CSMD1: variants seen among roughly 807,000 people sequenced by gnomAD.
CSMD1 encodes CUB and Sushi multiple domains 1, also known as CUB and sushi domain-containing protein 1.
In CSMD1, 213 loss-of-function variants were observed where a neutral mutation model predicts 417.5. The observed-to-expected ratio is 0.51, with a 90% CI of 0.46 to 0.57. The LOEUF (loss-of-function observed/expected upper bound fraction) is 0.57. CSMD1 is among the 20% of genes least tolerant of loss of function. The pLI is 0.00. For synonymous variants in CSMD1, 2,862 were observed against 1,736.8 expected, an observed-to-expected ratio of 1.65 and a Z score of -16.11; for missense variants, 6,923 against 4,529.7, an observed-to-expected ratio of 1.53 and a Z score of -15.17.
At chr8:3,434,575 GATT>G (rs1266998638) in intron 12 of CSMD1, among the ~76,000 whole-genome samples, 1 of 152,126 alleles carries the variant, frequency 6.6e-6, no homozygotes, top group Non-Finnish European at 1.5e-5. Flanking sequence ...ACATAATTTA[GATT>G]ATATTACTTC....
intron 3 of CSMD1, among the ~76,000 whole-genome samples, chr8:4,254,676 C>A (rs147901265): frequency 2.6e-5 from 4 of 152,094 alleles, no homozygotes; most frequent in Non-Finnish European, 4.4e-5. Context: ...ACCATTCTTA[C>A]GTTTCACTCC....
At chr8:3,062,024 T>C (rs1393384806) in intron 49 of CSMD1, among the ~76,000 whole-genome samples, 2 of 152,172 alleles carry the variant, frequency 1.3e-5, no homozygotes, top group African/African-American at 4.8e-5. Context: ...TATGTATATT[T>C]ACTGTTATTT....
At chr8:4,226,118 A>T (rs944038033) in intron 3 of CSMD1, among the ~76,000 whole-genome samples, 3 of 151,810 alleles carry the variant, frequency 2.0e-5, no homozygotes, top group South Asian at 4.2e-4. Flanking sequence ...GCCAACACAC[A>T]TACACACTTG....
chr8:3,585,959 T>G (rs926008195), intron 9 of CSMD1, among the ~76,000 whole-genome samples, 177 bp downstream of exon 9: 9 of 152,178 alleles, frequency 5.9e-5, no homozygotes, highest in Admixed American at 2.6e-4. Context: ...AATGTTAGCC[T>G]CTCAGCAAAT....
intron 4 of CSMD1, among the ~76,000 whole-genome samples, chr8:4,031,287 G>A (rs1302724838): frequency 6.6e-6 from 1 of 152,186 alleles, no homozygotes; most frequent in Non-Finnish European, 1.5e-5. Flanking sequence ...AAAGAAAGAA[G>A]TTTAATAGAC....
At chr8:4,370,852 T>C (rs1362015143) in intron 3 of CSMD1, among the ~76,000 whole-genome samples, 1 of 152,162 alleles carries the variant, frequency 6.6e-6, no homozygotes, top group Non-Finnish European at 1.5e-5. Context: ...TTCCTTGGAT[T>C]CTGTTTCAAC....
chr8:3,706,862 C>A (rs11997333), intron 7 of CSMD1, among the ~76,000 whole-genome samples: 3 of 151,894 alleles, frequency 2.0e-5, no homozygotes, highest in African/African-American at 4.8e-5. Context: ...TTTAAAAAAC[C>A]CTTTATTCCT....
intron 1 of CSMD1, among the ~76,000 whole-genome samples, chr8:4,830,772 G>A (rs912397920): frequency 3.3e-5 from 5 of 152,168 alleles, no homozygotes; most frequent in Non-Finnish European, 7.3e-5. Flanking sequence ...ATAAGCATAG[G>A]TCATTCCAGA....
chr8:4,255,464 T>C (rs887315108), intron 3 of CSMD1, among the ~76,000 whole-genome samples: 1 of 152,242 alleles, frequency 6.6e-6, no homozygotes, highest in Non-Finnish European at 1.5e-5. Context: ...AAAATGATTC[T>C]ATAAAGACTT....
intron 12 of CSMD1, among the ~76,000 whole-genome samples, chr8:3,437,945 T>G (rs1262062363): frequency 6.6e-6 from 1 of 152,088 alleles, no homozygotes; most frequent in African/African-American, 2.4e-5. Flanking sequence ...TTCATCATGT[T>G]GGCCAGGCTC....
At chr8:3,260,511 A>G (rs1163569828) in intron 26 of CSMD1, among the ~76,000 whole-genome samples, 1 of 152,154 alleles carries the variant, frequency 6.6e-6, no homozygotes, top group Non-Finnish European at 1.5e-5. Context: ...AATTAAGGAT[A>G]AACATTCCTC....
At chr8:3,594,682 T>A (rs1801010573) in intron 8 of CSMD1, among the ~76,000 whole-genome samples, 1 of 152,176 alleles carries the variant, frequency 6.6e-6, no homozygotes. Flanking sequence ...CTGAGGCATA[T>A]AACTTAGTTC....
chr8:4,720,730 T>A (rs1808997071), intron 1 of CSMD1, among the ~76,000 whole-genome samples: 1 of 152,182 alleles, frequency 6.6e-6, no homozygotes, highest in Non-Finnish European at 1.5e-5. Flanking sequence ...CTAAATAATT[T>A]TCTTATTTGG....
chr8:3,744,358 A>C (rs1265514306), intron 6 of CSMD1, among the ~76,000 whole-genome samples: 1 of 152,172 alleles, frequency 6.6e-6, no homozygotes, highest in African/African-American at 2.4e-5. Flanking sequence ...CTGATTACTA[A>C]ACAGGGCACA....
chr8:2,965,119 C>G (rs79820837), intron 59 of CSMD1, among the ~76,000 whole-genome samples: 1 of 152,162 alleles, frequency 6.6e-6, no homozygotes, highest in African/African-American at 2.4e-5. Context: ...ACTGTCACCA[C>G]GCAAATCCCT....
At chr8:3,286,741 A>G (rs1230155524) in intron 25 of CSMD1, among the ~76,000 whole-genome samples, 3 of 152,084 alleles carry the variant, frequency 2.0e-5, no homozygotes, top group African/African-American at 7.2e-5. Flanking sequence ...TCAGATGAGT[A>G]GATTGCAAAA....
At chr8:4,694,774 G>A (rs1807007790) in intron 1 of CSMD1, among the ~76,000 whole-genome samples, 1 of 152,134 alleles carries the variant, frequency 6.6e-6, no homozygotes, top group Admixed American at 6.5e-5. Flanking sequence ...CTGAGGCTGT[G>A]TCACGGGACT....
At chr8:3,455,402 C>T (rs543189314) in intron 12 of CSMD1, among the ~76,000 whole-genome samples, 15 of 152,308 alleles carry the variant, frequency 9.8e-5, no homozygotes, top group Non-Finnish European at 2.2e-4. Context: ...TTTTTAGAGT[C>T]TCCAGTTTTT....
chr8:4,403,964 C>G (rs944495302), intron 3 of CSMD1, among the ~76,000 whole-genome samples: 9 of 152,192 alleles, frequency 5.9e-5, no homozygotes, highest in South Asian at 2.1e-4. Flanking sequence ...CCTTTGGCAT[C>G]ACCCCTAAAA....
Sources: allele counts gnomAD v4.1 joint callset (sites outside exome capture counted in the v4.1 genomes callset), GRCh38; gene constraint gnomAD v4.1.1; transcripts MANE v1.5; gene names NCBI Gene and HGNC (gene_info 2026-07-23, HGNC 2026-07-21).